UBE2QL1: variants seen among roughly 807,000 people sequenced by gnomAD.
UBE2QL1 encodes the protein ubiquitin conjugating enzyme E2 QL1, also known as ubiquitin-conjugating enzyme E2Q-like protein 1.
A neutral mutation model predicts 12.6 loss-of-function variants in UBE2QL1; 5 were observed. The observed-to-expected ratio is 0.40, with a 90% CI of 0.21 to 0.83. The LOEUF is 0.83. UBE2QL1 is among the 40% of genes least tolerant of loss of function. The pLI is 0.37. For synonymous variants in UBE2QL1, 96 were observed against 94.5 expected (o/e 1.02, Z -0.10); for missense variants, 99 against 222.6 (o/e 0.44, Z 3.53).
intron 1 of UBE2QL1, among the ~76,000 whole-genome samples, chr5:6,465,393 T>C (rs550236739): frequency 8.1e-4 from 124 of 152,376 alleles, no homozygotes; most frequent in African/African-American, 2.9e-3. Context: ...TTTCTTAAAC[T>C]TTGTCTTAAT....
Position 6,481,476 on chromosome 5 carries a change from C to T in UBE2QL1, c.355-9742C>T, listed in dbSNP as rs959478367. Among the ~76,000 whole-genome samples the T allele has an allele frequency of 6.6e-6, 1 of 152,190 alleles. No homozygotes were observed. The highest frequency in any genetic ancestry group is 1.5e-5 in the Non-Finnish European group (1 of 68,024). On this transcript the variant is annotated intron_variant, in intron 1 of 1. Coordinates refer to ENST00000399816, the MANE Select transcript of UBE2QL1 (RefSeq NM_001145161.3). The surrounding 1 kb of genome is among the most constrained non-coding windows in gnomAD (Gnocchi z 4.5). ...GAGCAGAGAGGGGGCACGCTCCCCT[C>T]CCCGCACACCTCTCCCTGCAGAACC...
At chr5:6,456,613 A>G (rs1421424478) in intron 1 of UBE2QL1, among the ~76,000 whole-genome samples, 1 of 152,116 alleles carries the variant, frequency 6.6e-6, no homozygotes, top group East Asian at 1.9e-4. Context: ...TCATTCATTC[A>G]CTGAGCACTG....
chr5:6,468,825 C>T (rs1739849194), intron 1 of UBE2QL1, among the ~76,000 whole-genome samples: 1 of 152,152 alleles, frequency 6.6e-6, no homozygotes, highest in Admixed American at 6.5e-5. Flanking sequence ...GGGGGATACA[C>T]CAGACCAGTC....
At chr5:6,490,390 G>A (rs1394727038) in intron 1 of UBE2QL1, among the ~76,000 whole-genome samples, 2 of 152,232 alleles carry the variant, frequency 1.3e-5, no homozygotes, top group Admixed American at 1.3e-4. Flanking sequence ...GTCCAGAGCC[G>A]TCTTGTGCCG....
At chr5:6,449,940 T>TG (rs1470913850) in intron 1 of UBE2QL1, among the ~76,000 whole-genome samples, 1 of 138,500 alleles carries the variant, frequency 7.2e-6, no homozygotes, top group Non-Finnish European at 1.5e-5. Flanking sequence ...GTGGGTGCCG[T>TG]GGGGAGGGAC....
At chr5:6,484,890 C>T (rs1346278793) in intron 1 of UBE2QL1, among the ~76,000 whole-genome samples, 2 of 152,022 alleles carry the variant, frequency 1.3e-5, no homozygotes, top group African/African-American at 4.8e-5. Context: ...TAAACTGGCT[C>T]ATGTGGCCTG....
intron 1 of UBE2QL1, among the ~76,000 whole-genome samples, chr5:6,490,102 C>A (rs1734540798): frequency 6.6e-6 from 1 of 152,192 alleles, no homozygotes; most frequent in Admixed American, 6.5e-5. Flanking sequence ...AGGAGAGGAG[C>A]AGATCTTCCA....
At chr5:6,473,190 CAA>C (rs1457739165) in intron 1 of UBE2QL1, among the ~76,000 whole-genome samples, 1 of 152,216 alleles carries the variant, frequency 6.6e-6, no homozygotes, top group East Asian at 1.9e-4. Flanking sequence ...TCTTCCTTTT[CAA>C]AATCATCTTA....
chr5:6,481,406 G>A lies in UBE2QL1; in HGVS notation c.355-9812G>A, dbSNP rs146557392. Among the ~76,000 whole-genome samples, 684 of 152,290 alleles carry A rather than the reference G, an allele frequency of 4.5e-3. 4 individuals carry two copies. The highest frequency in any genetic ancestry group is 0.014 in the African/African-American group (561 of 41,554). ...GGGCGGGTAGTGACATGGGTGCAGCGGCTAGGTGCAGGGAGGGTGACCTGC... is the reference window on the plus strand; with the variant it reads ...GGGCGGGTAGTGACATGGGTGCAGCAGCTAGGTGCAGGGAGGGTGACCTGC... On this transcript the variant is annotated intron_variant, in intron 1 of 1. Coordinates refer to ENST00000399816, the MANE Select transcript of UBE2QL1 (RefSeq NM_001145161.3). The surrounding 1 kb of genome is among the most constrained non-coding windows in gnomAD (Gnocchi z 4.5).
rs1385646171 is a variant in UBE2QL1, at chr5:6,474,192, G to A, written c.355-17026G>A. Among the ~76,000 whole-genome samples the A allele has an allele frequency of 2.6e-5, 4 of 152,230 alleles. No homozygotes were observed. The South Asian group carries it at 6.2e-4, about 24-fold the overall frequency. ...AAATGATGTTGCCTGTGCACGTGGT[G>A]TGTAGTGTACAGCCTGAGGGCTGGT... is the stretch of plus-strand genomic sequence containing the variant. On this transcript the variant is annotated intron_variant, in intron 1 of 1. Coordinates refer to ENST00000399816, the MANE Select transcript of UBE2QL1 (RefSeq NM_001145161.3).
At chr5:6,450,102 G>T (rs1272868286) in intron 1 of UBE2QL1, among the ~76,000 whole-genome samples, 1 of 101,246 alleles carries the variant, frequency 9.9e-6, no homozygotes, top group Non-Finnish European at 2.2e-5. Context: ...CCCCCCCACG[G>T]CAATGCCTGT....
intron 1 of UBE2QL1, among the ~76,000 whole-genome samples, chr5:6,461,001 A>T (rs1214430148): frequency 6.6e-6 from 1 of 152,222 alleles, no homozygotes; most frequent in Non-Finnish European, 1.5e-5. Context: ...ATGAACATCA[A>T]CTGTTTCAGT....
chr5:6,493,916 T>G lies in UBE2QL1; in HGVS notation c.*2567T>G, dbSNP rs1579306376. The G allele has an allele frequency of 6.6e-6, 1 of 152,030 alleles. No individual in the cohort carries two copies. The highest frequency in any genetic ancestry group is 1.9e-4 in the East Asian group (1 of 5,164). The allele number at this position is 152,030 out of a possible 1,614,324, so 9.4% of individuals were successfully genotyped here. ...GGACACCTGCCTCTGGAGCCCAGGG[T>G]GAGAAGGAGAGGCCTGAAGCCTGGG... On this transcript the variant is annotated 3_prime_UTR_variant, in exon 2 of 2. Transcript: ENST00000399816.
intron 1 of UBE2QL1, among the ~76,000 whole-genome samples, chr5:6,467,376 G>T (rs1272533555): frequency 6.6e-6 from 1 of 152,092 alleles, no homozygotes; most frequent in African/African-American, 2.4e-5. Context: ...TGTGGGCAGG[G>T]CTGGATCCCG....
chr5:6,495,626 C>T lies in UBE2QL1; in HGVS notation c.*4277C>T, dbSNP rs531021549. ...CAGTACAGTTGCAAGTCTTCCAAGC[C>T]AGCTGAGAAACACCCACAGGATCCA... On this transcript the variant is annotated 3_prime_UTR_variant, in exon 2 of 2. Coordinates refer to ENST00000399816, the MANE Select transcript of UBE2QL1 (RefSeq NM_001145161.3). 5.4e-4 allele frequency among the ~76,000 whole-genome samples: 83 copies of T among 152,338 alleles called. 1 individual carries two copies. The highest frequency in any genetic ancestry group is 1.9e-3 in the African/African-American group (79 of 41,570).
At position 6,481,269 on chromosome 5, in the gene UBE2QL1, A is replaced by G. The variant is rs1219982308; in HGVS notation, c.355-9949A>G. ...CAGGACCCCACAGCCTGCTCCTAAG[A>G]CAGCGTCTCTCTCTGCAGGCCTGGC... On this transcript the variant is annotated intron_variant, in intron 1 of 1. Coordinates refer to ENST00000399816, the MANE Select transcript of UBE2QL1 (RefSeq NM_001145161.3). This position sits in a 1 kb window ranked among gnomAD's most constrained non-coding sequence, Gnocchi z 4.5. Among the ~76,000 whole-genome samples the G allele has an allele frequency of 6.6e-6, 1 of 152,124 alleles. No homozygotes were observed. Among genetic ancestry groups the G allele is most frequent in the Non-Finnish European group, 1.5e-5 (1 of 68,022 alleles).
intron 1 of UBE2QL1, among the ~76,000 whole-genome samples, chr5:6,451,159 A>T (rs1044600842): frequency 4.1e-4 from 63 of 152,236 alleles, no homozygotes; most frequent in Admixed American, 6.5e-5. Context: ...CTAACATTTT[A>T]GACTTGGAAG....
rs1425614202 is a variant in UBE2QL1, at chr5:6,495,592, T to C, written c.*4243T>C. Among the ~76,000 whole-genome samples, 1 of 152,248 alleles carries C rather than the reference T, an allele frequency of 6.6e-6. No homozygotes were observed. Among genetic ancestry groups the C allele is most frequent in the East Asian group, 1.9e-4 (1 of 5,180 alleles). ...CACCAAACACACACTCTTCACCCCATCATTGAATCAGTACAGTTGCAAGTC... is the reference window on the plus strand; with the variant it reads ...CACCAAACACACACTCTTCACCCCACCATTGAATCAGTACAGTTGCAAGTC... On this transcript the variant is annotated 3_prime_UTR_variant, in exon 2 of 2. Coordinates refer to ENST00000399816, the MANE Select transcript of UBE2QL1 (RefSeq NM_001145161.3).
intron 1 of UBE2QL1, among the ~76,000 whole-genome samples, chr5:6,449,462 C>T (rs1049396952): frequency 6.6e-6 from 1 of 152,138 alleles, no homozygotes; most frequent in Non-Finnish European, 1.5e-5. Flanking sequence ...TCCCGTCTCT[C>T]CCGTCCCCGT....
Sources: gnomAD v4.1 joint callset for allele counts (sites outside exome capture counted in the v4.1 genomes callset) on GRCh38, gnomAD v4.1.1 for gene constraint, Gnocchi (gnomAD v3.1) non-coding constraint, MANE v1.5 for transcripts, NCBI Gene and HGNC (gene_info 2026-07-23, HGNC 2026-07-21) for gene names.